The following GABRB1 variants were observed in gnomAD, a reference collection of about 807,000 sequenced individuals.
GABRB1 encodes the protein gamma-aminobutyric acid type A receptor subunit beta1, also known as gamma-aminobutyric acid receptor subunit beta-1.
Under a neutral mutation model 51.6 loss-of-function variants are expected in GABRB1, and 17 were observed. The ratio of observed to expected loss-of-function variants is 0.33; its 90% CI spans 0.23 to 0.49. The LOEUF (loss-of-function observed/expected upper bound fraction) is 0.49, where lower values mean the gene tolerates loss of function less well. Ranked by LOEUF, GABRB1 falls within the 20% of genes least tolerant of loss-of-function variation. The pLI is 0.99. For missense variants in GABRB1, 410 were observed against 600.6 expected (o/e 0.68, Z 3.32); for synonymous variants, 247 against 218.9 (o/e 1.13, Z -1.14).
intron 5 of GABRB1, among the ~76,000 whole-genome samples, chr4:47,337,274 C>T (rs1426261422): frequency 6.6e-6 from 1 of 151,996 alleles, no homozygotes; most frequent in African/African-American, 2.4e-5. Context: ...CAAAGAGTCA[C>T]TTCATATAAC....
At chr4:47,333,732 A>G (rs988163998) in intron 5 of GABRB1, among the ~76,000 whole-genome samples, 7 of 152,022 alleles carry the variant, frequency 4.6e-5, no homozygotes, top group African/African-American at 1.7e-4. Context: ...CCCCCAAAAA[A>G]AAGAATAGCT....
At chr4:47,196,748 C>T (rs1719700690) in intron 4 of GABRB1, among the ~76,000 whole-genome samples, 1 of 152,140 alleles carries the variant, frequency 6.6e-6, no homozygotes, top group Admixed American at 6.5e-5. Context: ...TTCATCAGCA[C>T]AATGTTTTAT....
At chr4:47,312,220 C>T (rs1724718472) in intron 4 of GABRB1, among the ~76,000 whole-genome samples, 1 of 152,122 alleles carries the variant, frequency 6.6e-6, no homozygotes, top group African/African-American at 2.4e-5. Flanking sequence ...TTTGCTTCCT[C>T]ACACCTAAAT....
At chr4:47,176,359 G>C (rs1183303731) in intron 4 of GABRB1, among the ~76,000 whole-genome samples, 2 of 152,036 alleles carry the variant, frequency 1.3e-5, no homozygotes, top group Non-Finnish European at 2.9e-5. Context: ...AGAAATTAGT[G>C]CACTGATTGA....
intron 3 of GABRB1, among the ~76,000 whole-genome samples, chr4:47,114,487 T>C (rs566608225): frequency 5.0e-4 from 76 of 152,360 alleles, no homozygotes; most frequent in Non-Finnish European, 9.4e-4. Flanking sequence ...TGCCAAACTA[T>C]GATTCTGGGC....
chr4:47,381,087 T>C (rs1185035437), intron 5 of GABRB1, among the ~76,000 whole-genome samples: 2 of 152,184 alleles, frequency 1.3e-5, no homozygotes, highest in Non-Finnish European at 2.9e-5. Context: ...AAATGTGCCC[T>C]AGTCCTTGTG....
chr4:47,020,137 T>C (rs1488699626), intron 1 of GABRB1, among the ~76,000 whole-genome samples: 1 of 151,990 alleles, frequency 6.6e-6, no homozygotes, highest in East Asian at 1.9e-4. Flanking sequence ...GACTGCCTTC[T>C]CCTTTTGTCC....
intron 5 of GABRB1, among the ~76,000 whole-genome samples, chr4:47,391,209 C>A (rs1023976962): frequency 7.2e-6 from 1 of 139,266 alleles, no homozygotes; most frequent in Non-Finnish European, 1.5e-5. Context: ...AAGGAGTAAG[C>A]CTTCTTTTTT....
At chr4:47,376,675 G>T (rs1201435775) in intron 5 of GABRB1, among the ~76,000 whole-genome samples, 1 of 152,088 alleles carries the variant, frequency 6.6e-6, no homozygotes, top group African/African-American at 2.4e-5. Context: ...AGAAGCCATA[G>T]ATGATCTCAG....
At chr4:47,375,772 TTA>T (rs1727354375) in intron 5 of GABRB1, among the ~76,000 whole-genome samples, 1 of 152,194 alleles carries the variant, frequency 6.6e-6, no homozygotes, top group Non-Finnish European at 1.5e-5. Flanking sequence ...GGGTCTCCCA[TTA>T]TCCTCTATGT....
intron 4 of GABRB1, among the ~76,000 whole-genome samples, chr4:47,279,015 C>A (rs546203408): frequency 6.6e-6 from 1 of 151,976 alleles, no homozygotes; most frequent in Non-Finnish European, 1.5e-5. Context: ...CCTTGTGAGG[C>A]ACTTGGGGAA....
intron 4 of GABRB1, among the ~76,000 whole-genome samples, chr4:47,182,541 T>C (rs1380927974): frequency 1.3e-5 from 2 of 151,960 alleles, no homozygotes; most frequent in Non-Finnish European, 2.9e-5. Context: ...TTCCACAGCA[T>C]AGTGAATAGA....
chr4:47,062,808 C>T (rs1726897450), intron 3 of GABRB1, among the ~76,000 whole-genome samples: 1 of 152,100 alleles, frequency 6.6e-6, no homozygotes, highest in Non-Finnish European at 1.5e-5. Flanking sequence ...ACTCTCTCAC[C>T]TCTCACTTCC....
intron 5 of GABRB1, among the ~76,000 whole-genome samples, chr4:47,349,785 A>T (rs1726241635): frequency 6.6e-6 from 1 of 152,236 alleles, no homozygotes; most frequent in South Asian, 2.1e-4. Context: ...CCTTCTAGTC[A>T]AGTTCAAAAT....
intron 5 of GABRB1, among the ~76,000 whole-genome samples, chr4:47,325,822 T>G (rs902755338): frequency 7.2e-5 from 11 of 152,180 alleles, no homozygotes; most frequent in African/African-American, 2.7e-4. Context: ...AAATTCTTTT[T>G]TAGTTTCCCA....
At chr4:47,202,474 T>C (rs972473906) in intron 4 of GABRB1, among the ~76,000 whole-genome samples, 1 of 152,220 alleles carries the variant, frequency 6.6e-6, no homozygotes, top group African/African-American at 2.4e-5. Flanking sequence ...AATAAGCATT[T>C]GTTGAATACC....
intron 4 of GABRB1, among the ~76,000 whole-genome samples, chr4:47,229,301 G>A (rs183523356): frequency 6.6e-6 from 1 of 152,102 alleles, no homozygotes; most frequent in Admixed American, 6.6e-5. Flanking sequence ...TATTTTTATG[G>A]TTTATTTAAA....
At chr4:47,242,114 C>A (rs1331662225) in intron 4 of GABRB1, among the ~76,000 whole-genome samples, 1 of 151,938 alleles carries the variant, frequency 6.6e-6, no homozygotes, top group Non-Finnish European at 1.5e-5. Context: ...TCCGTTCCCA[C>A]CTATGAGTGA....
At chr4:47,089,167 T>A (rs1728195593) in intron 3 of GABRB1, among the ~76,000 whole-genome samples, 2 of 152,180 alleles carry the variant, frequency 1.3e-5, no homozygotes, top group South Asian at 4.1e-4. Flanking sequence ...ACCTTAAATG[T>A]TTTTCGTTTT....
Sources: allele counts gnomAD v4.1 joint callset (sites outside exome capture counted in the v4.1 genomes callset), GRCh38; gene constraint gnomAD v4.1.1; transcripts MANE v1.5; gene names NCBI Gene and HGNC (gene_info 2026-07-23, HGNC 2026-07-21).